UBE3B: variants seen among roughly 807,000 people sequenced by gnomAD.
The protein encoded by UBE3B is ubiquitin protein ligase E3B.
Under a neutral mutation model 132.3 loss-of-function variants are expected in UBE3B, and 80 were observed. The ratio of observed to expected loss-of-function variants is 0.60; its 90% confidence interval spans 0.50 to 0.73. The LOEUF is 0.73. UBE3B is among the 30% of genes least tolerant of loss of function. UBE3B has a pLI of 0.00. For synonymous variants in UBE3B, 487 were observed against 520.4 expected (o/e 0.94, Z 0.87); for missense variants, 1,196 against 1,362.5 (o/e 0.88, Z 1.92).
intron 1 of UBE3B, among the ~76,000 whole-genome samples, chr12:109,479,660 G>A (rs1328706638): frequency 6.6e-6 from 1 of 152,222 alleles, no homozygotes; most frequent in Non-Finnish European, 1.5e-5. Context: ...TGTGCAGGTG[G>A]AGAAGGTATA....
At position 109,530,077 on chromosome 12, in the gene UBE3B, G is replaced by C; in HGVS notation, c.2810+5G>C. On this transcript the variant is annotated splice_donor_5th_base_variant and intron_variant, in intron 25 of 27. Transcript: ENST00000342494. ...GATTGATCTGGAAGATTTAAAGTAA[G>C]AGGCGGGTGGGGGGAAGGGTGAAAT... 2 of 1,612,696 alleles carry C rather than the reference G, an allele frequency of 1.2e-6. No homozygotes were observed. The highest frequency in any genetic ancestry group is 1.7e-6 in the Non-Finnish European group (2 of 1,178,920).
chr12:109,534,460 G>C lies in UBE3B; in HGVS notation c.3016-131G>C. ...GCTTGACCTCGGGTAGTGGTGCCAG[G>C]GCAGCGCCCTGCACTCTGCCCAGCA... On this transcript the variant is annotated intron_variant, in intron 27 of 27. Transcript: ENST00000342494. The surrounding 1 kb of genome is among the most constrained non-coding windows in gnomAD (Gnocchi z 5.2). 1 of 1,448,680 alleles carries C rather than the reference G, an allele frequency of 6.9e-7. No individual in the cohort carries two copies. The highest frequency in any genetic ancestry group is 9.1e-7 in the Non-Finnish European group (1 of 1,103,138). The allele number at this position is 1,448,680 out of a possible 1,614,324, so 89.7% of individuals were successfully genotyped here. A position where few individuals can be genotyped will look rare whatever the true frequency, so the allele number is the denominator to read the frequency against.
intron 9 of UBE3B, among the ~76,000 whole-genome samples, chr12:109,493,951 A>G (rs1434685593): frequency 3.3e-5 from 5 of 152,124 alleles, no homozygotes; most frequent in Admixed American, 1.3e-4. Context: ...TCAGCCTTCC[A>G]TGTAGCTAGG....
intron 19 of UBE3B, chr12:109,520,892 C>A: frequency 2.8e-6 from 1 of 360,086 alleles, no homozygotes; most frequent in Non-Finnish European, 5.1e-6. Flanking sequence ...CTAACTTCCC[C>A]ATCTCACTGC....
At chr12:109,518,125 G>A (rs1336915559) in intron 19 of UBE3B, 2 of 217,772 alleles carry the variant, frequency 9.2e-6, no homozygotes, top group Non-Finnish European at 2.0e-5. Context: ...TAGACATATA[G>A]AAATAATCTC....
At chr12:109,546,991 T>C in the UBE3B span, among the ~76,000 whole-genome samples, 12 of 152,296 alleles carry the variant, frequency 7.9e-5, no homozygotes, top group Admixed American at 7.2e-4. Flanking sequence ...ATTACAGGTG[T>C]GAGACACCAC....
chr12:109,526,263 T>C (rs1882322070), intron 23 of UBE3B, 95 bp from the exon 24 acceptor site: 3 of 1,259,418 alleles, frequency 2.4e-6, no homozygotes, highest in Non-Finnish European at 3.5e-6. Context: ...ATTCCATCAT[T>C]ATCATGGATG....
At chr12:109,533,676 C>T (rs12303137) in intron 27 of UBE3B, 118 bp downstream of exon 27, 4 of 1,056,088 alleles carry the variant, frequency 3.8e-6, no homozygotes, top group Non-Finnish European at 5.8e-6. Flanking sequence ...CAGCTGGACC[C>T]CTCAGAGCCA....
Position 109,535,056 on chromosome 12 carries a change from G to C in UBE3B, c.*274G>C, listed in dbSNP as rs902188007. 5.9e-6 allele frequency: 2 copies of C among 337,858 alleles called. No individual in the cohort carries two copies. Among genetic ancestry groups the C allele is most frequent in the Non-Finnish European group, 1.1e-5 (2 of 187,830 alleles). The allele number at this position is 337,858 out of a possible 1,614,324, so 20.9% of individuals were successfully genotyped here. A position where few individuals can be genotyped will look rare whatever the true frequency, so the allele number is the denominator to read the frequency against. ...CCATTCTTCCTGGTGATGGCAGAGG[G>C]GCTTCTTTTAGCTAGTTTGATCTTT... On this transcript the variant is annotated 3_prime_UTR_variant, in exon 28 of 28. Coordinates refer to ENST00000342494, the MANE Select transcript of UBE3B (RefSeq NM_130466.4).
intron 19 of UBE3B, among the ~76,000 whole-genome samples, chr12:109,517,765 G>A (rs1881239127): frequency 6.6e-6 from 1 of 152,158 alleles, no homozygotes; most frequent in Non-Finnish European, 1.5e-5. Flanking sequence ...AGCCTGTCCT[G>A]TAGTGTAGGA....
intron 15 of UBE3B, chr12:109,508,500 G>A: frequency 7.1e-6 from 7 of 984,946 alleles, no homozygotes; most frequent in Non-Finnish European, 8.4e-6. Flanking sequence ...TGTGTGTTTG[G>A]TATTCTTTTC....
At chr12:109,523,160 C>G (rs1881912955) in intron 21 of UBE3B, among the ~76,000 whole-genome samples, 1 of 152,208 alleles carries the variant, frequency 6.6e-6, no homozygotes, top group South Asian at 2.1e-4. Context: ...TGACAGGTGT[C>G]ATCAAGTCCG....
intron 5 of UBE3B, 131 bp downstream of exon 5, chr12:109,486,202 C>A: frequency 1.0e-6 from 1 of 981,058 alleles, no homozygotes. Context: ...GAAAACATTA[C>A]CAAAGTACAA....
At chr12:109,517,508 A>AGATG (rs1881206160) in intron 19 of UBE3B, among the ~76,000 whole-genome samples, 1 of 152,164 alleles carries the variant, frequency 6.6e-6, no homozygotes, top group South Asian at 2.1e-4. Flanking sequence ...TGTTGGTACA[A>AGATG]GACCGTGCCT....
Position 109,489,995 on chromosome 12 carries a change from T to G in UBE3B, c.621T>G (p.Ser207=). ...MGHLNQHGFY[S]VLQILLTRGL... ...ATCTCAACCAGCATGGATTTTATTC[T>G]GTGCTGCAGGTCTGTGACTCCTGCC... The change falls in exon 8 of 28, where the codon TCT becomes TCG. Residue 207 remains serine (S), a synonymous_variant. Transcript: ENST00000342494. 14 of 1,614,188 alleles carry G rather than the reference T, an allele frequency of 8.7e-6. No individual in the cohort carries two copies. Among genetic ancestry groups the G allele is most frequent in the Non-Finnish European group, 1.2e-5 (14 of 1,180,004 alleles).
At position 109,490,452 on chromosome 12, in the gene UBE3B, T is replaced by G. The variant is rs911006184; in HGVS notation, c.630+448T>G. 7.6e-5 allele frequency: 117 copies of G among 1,535,124 alleles called. 1 individual carries two copies. The African/African-American group carries it at 1.4e-3, about 18-fold the overall frequency. ...AAAGGTACAATGGAAGTCTTGAGTTTGAGAAGTAATGTTGACTTTGCCCTT... is the reference window on the plus strand; with the variant it reads ...AAAGGTACAATGGAAGTCTTGAGTTGGAGAAGTAATGTTGACTTTGCCCTT... On this transcript the variant is annotated intron_variant, in intron 8 of 27. Coordinates refer to ENST00000342494, the MANE Select transcript of UBE3B (RefSeq NM_130466.4).
downstream of UBE3B, among the ~76,000 whole-genome samples, chr12:109,537,075 CAG>C (rs774651376): frequency 4.6e-5 from 7 of 152,120 alleles, no homozygotes; most frequent in Non-Finnish European, 8.8e-5. Flanking sequence ...GTCGCGAACT[CAG>C]GGGCTCAAGT....
intron 18 of UBE3B, among the ~76,000 whole-genome samples, chr12:109,512,493 C>T (rs1592938228): frequency 6.6e-6 from 1 of 152,114 alleles, no homozygotes; most frequent in South Asian, 2.1e-4. Flanking sequence ...CTGGAAATGT[C>T]CGATGCTGCG....
chr12:109,486,605 C>CA, intron 6 of UBE3B, 30 bp downstream of exon 6: 1 of 1,033,764 alleles, frequency 9.7e-7, no homozygotes, highest in East Asian at 3.0e-5. Context: ...AAAAAAAAAG[C>CA]AAAACCAGAA....
Sources: allele counts gnomAD v4.1 joint callset (sites outside exome capture counted in the v4.1 genomes callset), GRCh38; gene constraint gnomAD v4.1.1; non-coding constraint Gnocchi (gnomAD v3.1); transcripts MANE v1.5; gene names NCBI Gene and HGNC (gene_info 2026-07-23, HGNC 2026-07-21).